The following HEATR5A variants were observed in gnomAD, a reference collection of about 807,000 sequenced individuals.
The protein encoded by HEATR5A is HEAT repeat-containing protein 5A.
Under a neutral mutation model 218.8 loss-of-function variants are expected in HEATR5A, and 178 were observed. The observed-to-expected ratio is 0.81, with a 90% CI of 0.72 to 0.92. The LOEUF is 0.92. HEATR5A is among the 40% of genes least tolerant of loss of function. HEATR5A has a pLI of 0.00. For synonymous variants in HEATR5A, 864 were observed against 871.6 expected (o/e 0.99, Z 0.15); for missense variants, 2,420 against 2,418.9 (o/e 1.00, Z -0.01).
chr14:31,383,454 G>T, intron 10 of HEATR5A, 67 bp downstream of exon 10: 1 of 1,456,056 alleles, frequency 6.9e-7, no homozygotes, highest in South Asian at 1.3e-5. Flanking sequence ...AACAAATTCT[G>T]TTACTATGTG....
intron 22 of HEATR5A, among the ~76,000 whole-genome samples, chr14:31,332,583 G>A (rs1202206031): frequency 1.3e-5 from 2 of 152,128 alleles, no homozygotes; most frequent in Non-Finnish European, 2.9e-5. Context: ...TATCTAAGTT[G>A]TGAATGCAAA....
chr14:31,361,481 T>C (rs1334893851), intron 14 of HEATR5A, among the ~76,000 whole-genome samples: 1 of 152,152 alleles, frequency 6.6e-6, no homozygotes, highest in Non-Finnish European at 1.5e-5. Flanking sequence ...AGCAAAATAA[T>C]TCTGTTGGTA....
chr14:31,349,921 G>T lies in HEATR5A; in HGVS notation c.2576C>A (p.Thr859Lys), dbSNP rs1162196410. The change falls in exon 18 of 36, where the codon ACA becomes AAA. Residue 859 changes from threonine (T) to lysine (K), a missense_variant. By Grantham distance (78) the Thr-to-Lys change is moderately conservative. Transcript: ENST00000543095. ...GPEEMKRFAL[T>K]LVMGALESPN... ...GCTTTCTAGGGCTCCCATAACTAAT[G>T]TTAAGGCAAATCTTTTCATTTCTTC... 4.3e-6 allele frequency: 7 copies of T among 1,609,326 alleles called. No individual in the cohort carries two copies. The African/African-American group carries it at 5.3e-5, about 12-fold the overall frequency.
intron 11 of HEATR5A, among the ~76,000 whole-genome samples, chr14:31,375,504 T>C (rs1390752736): frequency 6.6e-6 from 1 of 152,136 alleles, no homozygotes; most frequent in East Asian, 1.9e-4. Context: ...TGAGCTTAAG[T>C]GATCCTTCCA....
chr14:31,366,774 A>T (rs1210843129), intron 13 of HEATR5A, among the ~76,000 whole-genome samples: 1 of 152,218 alleles, frequency 6.6e-6, no homozygotes, highest in Non-Finnish European at 1.5e-5. Flanking sequence ...AACAAGACAT[A>T]AGCTGAAACT....
At chr14:31,309,497 C>G (rs1409020327) in intron 28 of HEATR5A, among the ~76,000 whole-genome samples, 1 of 152,100 alleles carries the variant, frequency 6.6e-6, no homozygotes, top group Admixed American at 6.6e-5. Flanking sequence ...ATTTTGTTAT[C>G]AATGTTCTTA....
rs1206060850 is a variant in HEATR5A at position 31,294,088 on chromosome 14, T to G, written c.5636A>C (p.Tyr1879Ser). ...IKDPVVQIKT[Y>S]QLLHSIFQYP... Reference sequence around the variant, plus strand: ...CTGAAAGATGGAATGTAGGAGCTGGTAGGTCTTGATTTGTACCTAATAAGG... The same window carrying G: ...CTGAAAGATGGAATGTAGGAGCTGGGAGGTCTTGATTTGTACCTAATAAGG... Residue 1879 changes from tyrosine to serine, a missense_variant, in exon 35 of 36, where the codon TAC (tyrosine) becomes TCC (serine). Coordinates refer to ENST00000543095, the MANE Select transcript of HEATR5A (RefSeq NM_015473.4). 2.5e-6 allele frequency: 4 copies of G among 1,588,106 alleles called. No individual in the cohort carries two copies. In the African/African-American group the frequency reaches 5.4e-5, roughly 21 times the overall value.
chr14:31,379,352 G>C (rs2029891563), intron 11 of HEATR5A, among the ~76,000 whole-genome samples: 1 of 152,106 alleles, frequency 6.6e-6, no homozygotes, highest in Non-Finnish European at 1.5e-5. Flanking sequence ...CTGGGTTCAA[G>C]CAATTCTCCT....
intron 6 of HEATR5A, among the ~76,000 whole-genome samples, chr14:31,393,210 T>A (rs4981843): frequency 0.95 from 144,700 of 152,270 alleles, 69,033 homozygotes; most frequent in Non-Finnish European, 1. Flanking sequence ...AAAAAAAATA[T>A]ATAAAAATAA....
chr14:31,304,470 T>A (rs369936117), intron 32 of HEATR5A, among the ~76,000 whole-genome samples: 147 of 152,232 alleles, frequency 9.7e-4, no homozygotes, highest in Middle Eastern at 3.4e-3. Flanking sequence ...CAGGCTGGAG[T>A]GCAATGGCGT....
intron 4 of HEATR5A, among the ~76,000 whole-genome samples, chr14:31,396,356 C>T (rs895569568): frequency 6.6e-6 from 1 of 151,390 alleles, no homozygotes; most frequent in African/African-American, 2.4e-5. Context: ...CAGTGGGAGG[C>T]AGAGGGTACA....
At chr14:31,369,489 T>C (rs1271672748) in intron 13 of HEATR5A, among the ~76,000 whole-genome samples, 1 of 151,222 alleles carries the variant, frequency 6.6e-6, no homozygotes, top group East Asian at 1.9e-4. Flanking sequence ...GGTGCATGCC[T>C]ATAATCCCTT....
At chr14:31,338,421 G>C (rs374867374) in intron 21 of HEATR5A, among the ~76,000 whole-genome samples, 2 of 152,056 alleles carry the variant, frequency 1.3e-5, no homozygotes, top group South Asian at 2.1e-4. Context: ...ACATATTTAT[G>C]TATTGATAGA....
At chr14:31,337,686 A>T in intron 21 of HEATR5A, 72 bp from the exon 22 acceptor site, 1 of 1,317,188 alleles carries the variant, frequency 7.6e-7, no homozygotes, top group Non-Finnish European at 1.1e-6. Flanking sequence ...ATAGATATTC[A>T]CTGGACCCCT....
At chr14:31,344,268 C>CTGTTTTTTTTTT in intron 20 of HEATR5A, among the ~76,000 whole-genome samples, 1 of 50,812 alleles carries the variant, frequency 2.0e-5, no homozygotes, top group Non-Finnish European at 3.7e-5. Flanking sequence ...ATTAGTTATT[C>CTGTTTTTTTTTT]TTTTTTTTTT....
At chr14:31,399,023 T>C (rs547028000) in intron 3 of HEATR5A, among the ~76,000 whole-genome samples, 3 of 145,506 alleles carry the variant, frequency 2.1e-5, no homozygotes, top group South Asian at 4.2e-4. Flanking sequence ...CACAAAGATT[T>C]ACCCCTATGT....
At chr14:31,348,278 A>G (rs1404080564) in intron 18 of HEATR5A, among the ~76,000 whole-genome samples, 1 of 152,138 alleles carries the variant, frequency 6.6e-6, no homozygotes, top group African/African-American at 2.4e-5. Flanking sequence ...CTTAATTTTG[A>G]TGTTAAAATT....
At chr14:31,359,632 A>T (rs1901550074) in intron 14 of HEATR5A, among the ~76,000 whole-genome samples, 1 of 148,908 alleles carries the variant, frequency 6.7e-6, no homozygotes, top group Non-Finnish European at 1.5e-5. Context: ...AGACTGAGGC[A>T]GGAAAATCGC....
Position 31,295,902 on chromosome 14 carries a change from CACTT to C in HEATR5A, c.5619+3_5619+6del, listed in dbSNP as rs758963084. The C allele has an allele frequency of 1.9e-6, 3 of 1,611,868 alleles. No individual in the cohort carries two copies. The highest frequency in any genetic ancestry group is 2.2e-5 in the South Asian group (2 of 90,792). ...TTACATACATCTTTCTGCTAAAAGA[CACTT>C]ACCACAGGATCTTTTATCTCAAGAG... is the stretch of plus-strand genomic sequence containing the variant. On this transcript the variant is annotated splice_donor_5th_base_variant and intron_variant, in intron 34 of 35. Coordinates refer to ENST00000543095, the MANE Select transcript of HEATR5A (RefSeq NM_015473.4).
Sources: gnomAD v4.1 joint callset for allele counts (sites outside exome capture counted in the v4.1 genomes callset) on GRCh38, gnomAD v4.1.1 for gene constraint, MANE v1.5 for transcripts, NCBI Gene and HGNC (gene_info 2026-07-23, HGNC 2026-07-21) for gene names.